The following KAZN variants were observed in gnomAD, a reference collection of about 807,000 sequenced individuals.
The protein encoded by KAZN is kazrin, periplakin interacting protein, also known as kazrin.
In KAZN, 40 loss-of-function variants were observed where a neutral mutation model predicts 87.4. That is an observed-to-expected ratio of 0.46 (90% CI 0.36 to 0.60). KAZN has a LOEUF of 0.60. Among genes scored for constraint, KAZN ranks in the 20% least tolerant of loss-of-function variants. The pLI is 0.00. For synonymous variants in KAZN, 466 were observed against 458.3 expected, an observed-to-expected ratio of 1.02 and a Z score of -0.22; for missense variants, 898 against 1,073.9, an observed-to-expected ratio of 0.84 and a Z score of 2.29.
At chr1:14,275,175 A>G (rs1443539260) in intron 2 of KAZN, among the ~76,000 whole-genome samples, 1 of 152,044 alleles carries the variant, frequency 6.6e-6, no homozygotes, top group African/African-American at 2.4e-5. Context: ...TTCTAACCAC[A>G]TCTCCCTCTC....
chr1:14,386,989 A>G (rs147270779), intron 2 of KAZN, among the ~76,000 whole-genome samples: 15,579 of 152,004 alleles, frequency 0.1, 1,032 homozygotes, highest in Non-Finnish European at 0.15. Flanking sequence ...ATCGTCCCAT[A>G]TTTCTTGGGA....
intron 2 of KAZN, among the ~76,000 whole-genome samples, chr1:14,259,528 C>A (rs897097587): frequency 1.3e-5 from 2 of 152,170 alleles, no homozygotes; most frequent in Non-Finnish European, 2.9e-5. Flanking sequence ...CCTCACCCCC[C>A]AAGTGGCCTG....
intron 1 of KAZN, among the ~76,000 whole-genome samples, chr1:14,177,918 A>T (rs1646118735): frequency 6.6e-6 from 1 of 152,002 alleles, no homozygotes; most frequent in African/African-American, 2.4e-5. Flanking sequence ...TATGGAAAAA[A>T]ATTGTTCATT....
chr1:15,041,441 G>A (rs1312911906), intron 3 of KAZN, among the ~76,000 whole-genome samples: 3 of 150,668 alleles, frequency 2.0e-5, no homozygotes, highest in Non-Finnish European at 2.9e-5. Flanking sequence ...AGGTTCAAGC[G>A]ATTCTCCTGC....
chr1:14,858,808 C>T (rs1230680967), intron 1 of KAZN, among the ~76,000 whole-genome samples: 1 of 152,140 alleles, frequency 6.6e-6, no homozygotes, highest in African/African-American at 2.4e-5. Context: ...AACTGAACAG[C>T]CCCTGTAACT....
chr1:15,063,890 G>GA (rs897655415), intron 7 of KAZN, among the ~76,000 whole-genome samples: 20 of 151,734 alleles, frequency 1.3e-4, no homozygotes, highest in Non-Finnish European at 1.5e-5. Flanking sequence ...GCACACCCAA[G>GA]ATGGAGAGGA....
At chr1:14,681,342 A>G (rs1001983059) in intron 1 of KAZN, among the ~76,000 whole-genome samples, 3 of 152,068 alleles carry the variant, frequency 2.0e-5, no homozygotes, top group African/African-American at 7.2e-5. Flanking sequence ...ATTTGTGTTC[A>G]AGTCTTTTTG....
chr1:14,340,874 G>A (rs1657641463), intron 2 of KAZN, among the ~76,000 whole-genome samples: 1 of 128,952 alleles, frequency 7.8e-6, no homozygotes, highest in African/African-American at 3.0e-5. Flanking sequence ...TCTCCGTAAG[G>A]GTCATGATTT....
At chr1:14,247,106 G>GC (rs779220418) in intron 2 of KAZN, among the ~76,000 whole-genome samples, 2 of 152,098 alleles carry the variant, frequency 1.3e-5, no homozygotes, top group Non-Finnish European at 2.9e-5. Flanking sequence ...GATTGTATGG[G>GC]AGTAGATAAG....
intron 1 of KAZN, among the ~76,000 whole-genome samples, chr1:14,775,333 G>T (rs1163248835): frequency 6.6e-6 from 1 of 152,216 alleles, no homozygotes; most frequent in African/African-American, 2.4e-5. Flanking sequence ...CTGTGCTAAG[G>T]GTTTTATGAG....
At chr1:14,456,236 G>A (rs1667559142) in intron 2 of KAZN, among the ~76,000 whole-genome samples, 1 of 152,196 alleles carries the variant, frequency 6.6e-6, no homozygotes, top group Non-Finnish European at 1.5e-5. Flanking sequence ...CTGAGCATCA[G>A]TGTTCTTCTA....
intron 2 of KAZN, among the ~76,000 whole-genome samples, chr1:14,283,372 A>G (rs1288287697): frequency 1.3e-5 from 2 of 152,220 alleles, no homozygotes; most frequent in Admixed American, 6.5e-5. Flanking sequence ...GAGGACATTG[A>G]TAGAAGAGGC....
chr1:14,056,923 A>G (rs548469484), intron 1 of KAZN, among the ~76,000 whole-genome samples: 4 of 151,910 alleles, frequency 2.6e-5, no homozygotes, highest in Non-Finnish European at 5.9e-5. Flanking sequence ...TCATGCCTGT[A>G]GTCCCAGCTA....
chr1:14,912,296 AACAG>A (rs1657339780), intron 1 of KAZN, among the ~76,000 whole-genome samples: 1 of 152,164 alleles, frequency 6.6e-6, no homozygotes, highest in Non-Finnish European at 1.5e-5. Context: ...CTGGTGAGAT[AACAG>A]ACAGAAAGAT....
chr1:13,954,050 A>G (rs1000435779), intron 1 of KAZN, among the ~76,000 whole-genome samples: 5 of 152,160 alleles, frequency 3.3e-5, no homozygotes, highest in African/African-American at 1.2e-4. Context: ...GGCCCCATGC[A>G]TTTGTTGGAA....
intron 1 of KAZN, among the ~76,000 whole-genome samples, chr1:14,958,901 T>A (rs1663503190): frequency 6.6e-6 from 1 of 151,986 alleles, no homozygotes; most frequent in Non-Finnish European, 1.5e-5. Flanking sequence ...GCAAGGCTGG[T>A]GAGTGCGGCG....
chr1:13,921,620 A>G (rs970524552), intron 1 of KAZN, among the ~76,000 whole-genome samples: 4 of 151,560 alleles, frequency 2.6e-5, no homozygotes, highest in African/African-American at 7.3e-5. Context: ...GCCTTGCACT[A>G]TAGTTGTTTG....
intron 1 of KAZN, among the ~76,000 whole-genome samples, chr1:14,038,378 A>G (rs1268267638): frequency 2.0e-5 from 3 of 152,270 alleles, no homozygotes; most frequent in East Asian, 1.9e-4. Flanking sequence ...TGGAGGGAGA[A>G]AGTTGCAGAC....
intron 1 of KAZN, among the ~76,000 whole-genome samples, chr1:14,795,756 C>T (rs537267878): frequency 7.3e-4 from 111 of 152,292 alleles, no homozygotes; most frequent in African/African-American, 2.4e-3. Context: ...CCCCTCTGAC[C>T]TCCTTGCTTT....
Sources: gnomAD v4.1 joint callset for allele counts (sites outside exome capture counted in the v4.1 genomes callset) on GRCh38, gnomAD v4.1.1 for gene constraint, MANE v1.5 for transcripts, NCBI Gene and HGNC (gene_info 2026-07-23, HGNC 2026-07-21) for gene names.